Variants in TMEM163 observed in about 807,000 individuals in gnomAD.
TMEM163 encodes the protein transmembrane protein 163.
A neutral mutation model predicts 29.3 loss-of-function variants in TMEM163; 17 were observed. The ratio of observed to expected loss-of-function variants is 0.58; its 90% CI spans 0.40 to 0.87. The LOEUF (loss-of-function observed/expected upper bound fraction) is 0.87. TMEM163 is among the 40% of genes least tolerant of loss of function. TMEM163 has a pLI of 0.00. For synonymous variants in TMEM163, 157 were observed against 160.6 expected, an observed-to-expected ratio of 0.98 and a Z score of 0.17; for missense variants, 303 against 381.5, an observed-to-expected ratio of 0.79 and a Z score of 1.71.
chr2:134,463,951 G>T lies in TMEM163; in HGVS notation c.667+2163C>A, dbSNP rs183000895. 1.8e-4 allele frequency among the ~76,000 whole-genome samples: 27 copies of T among 152,324 alleles called. 1 individual carries two copies. The highest frequency in any genetic ancestry group is 6.5e-4 in the African/African-American group (27 of 41,580). On this transcript the variant is annotated intron_variant, in intron 6 of 7. Coordinates refer to ENST00000281924, the MANE Select transcript of TMEM163 (RefSeq NM_030923.5). The stretch of plus-strand genomic sequence containing the variant: ...CTTCATCTGGAGCTTGAGGAAGGGG[G>T]TCCTGCCTGCCTGTTGCACATGAGG...
chr2:134,505,165 C>T (rs1679791826), intron 4 of TMEM163, among the ~76,000 whole-genome samples: 1 of 151,734 alleles, frequency 6.6e-6, no homozygotes, highest in Admixed American at 6.6e-5. Context: ...TTCAATTAAC[C>T]TTTTCAGGTA....
intron 5 of TMEM163, among the ~76,000 whole-genome samples, chr2:134,474,045 A>T (rs1686863889): frequency 6.6e-6 from 1 of 152,234 alleles, no homozygotes; most frequent in African/African-American, 2.4e-5. Context: ...TGACACTAAA[A>T]GCAGAAGCAT....
intron 2 of TMEM163, among the ~76,000 whole-genome samples, chr2:134,651,860 T>C (rs1281803399): frequency 5.0e-5 from 6 of 121,054 alleles, no homozygotes; most frequent in Admixed American, 8.2e-5. Flanking sequence ...GTTGTAGATA[T>C]GCGGCATTAT....
In TMEM163 at chr2:134,590,576, T is replaced by C. The variant is rs72984288; in HGVS notation, c.323-38485A>G. On this transcript the variant is annotated intron_variant, in intron 2 of 7. Coordinates refer to ENST00000281924, the MANE Select transcript of TMEM163 (RefSeq NM_030923.5). Reference sequence around the variant, plus strand: ...CAAGAAAGAATTCAGGATGAGTCCATATAGTAAAGTGAAAGCAAGTTTATT... The same window carrying C: ...CAAGAAAGAATTCAGGATGAGTCCACATAGTAAAGTGAAAGCAAGTTTATT... 4.7e-3 allele frequency among the ~76,000 whole-genome samples: 711 copies of C among 152,264 alleles called. 6 individuals are homozygous for C. The highest frequency in any genetic ancestry group is 0.016 in the African/African-American group (656 of 41,548).
rs146786558 is a variant in TMEM163, at chr2:134,479,187, G to A, written c.556-12962C>T. Among the ~76,000 whole-genome samples, 225 of 152,286 alleles carry A rather than the reference G, an allele frequency of 1.5e-3. 1 individual carries two copies. Among genetic ancestry groups the A allele is most frequent in the African/African-American group, 5.1e-3 (213 of 41,556 alleles). On this transcript the variant is annotated intron_variant, in intron 5 of 7. Coordinates refer to ENST00000281924, the MANE Select transcript of TMEM163 (RefSeq NM_030923.5). ...GTAAGCTGCCCAGTCTATGGCATTC[G>A]GTGATAGCAGCCTGAATGAACTAAG...
chr2:134,670,362 C>T (rs1298977109), intron 2 of TMEM163, among the ~76,000 whole-genome samples: 3 of 152,186 alleles, frequency 2.0e-5, no homozygotes, highest in African/African-American at 7.2e-5. Flanking sequence ...GTTGGGCAGT[C>T]GCCATGGCTA....
intron 2 of TMEM163, among the ~76,000 whole-genome samples, chr2:134,695,326 T>A (rs1255611745): frequency 6.6e-6 from 1 of 151,788 alleles, no homozygotes; most frequent in African/African-American, 2.4e-5. Context: ...GATTCACCCA[T>A]CTCGGCCTCC....
intron 2 of TMEM163, among the ~76,000 whole-genome samples, chr2:134,591,877 G>A (rs1359718330): frequency 1.3e-5 from 2 of 150,340 alleles, no homozygotes; most frequent in Non-Finnish European, 2.9e-5. Flanking sequence ...TGCACATGAG[G>A]CAGTCATTCA....
At chr2:134,621,653 G>A (rs1682736997) in intron 2 of TMEM163, among the ~76,000 whole-genome samples, 1 of 151,874 alleles carries the variant, frequency 6.6e-6, no homozygotes, top group Non-Finnish European at 1.5e-5. Flanking sequence ...CACTTTGGGA[G>A]GCTGAGGCAG....
At chr2:134,517,165 C>A (rs1203259180) in intron 4 of TMEM163, among the ~76,000 whole-genome samples, 2 of 150,746 alleles carry the variant, frequency 1.3e-5, no homozygotes, top group Non-Finnish European at 2.9e-5. Flanking sequence ...GCTGATCAAA[C>A]TTCCACAGCT....
rs1315425906 is a variant in TMEM163, at chr2:134,655,202, G to A, written c.322+57998C>T. ...AGGTACACCAATCAGACGTAGATTTGGTCTTTTCACATAGTCCCATATTTC... is the reference window on the plus strand; with the variant it reads ...AGGTACACCAATCAGACGTAGATTTAGTCTTTTCACATAGTCCCATATTTC... On this transcript the variant is annotated intron_variant, in intron 2 of 7. Coordinates refer to ENST00000281924, the MANE Select transcript of TMEM163 (RefSeq NM_030923.5). Among the ~76,000 whole-genome samples the A allele has an allele frequency of 3.6e-5, 5 of 140,408 alleles. No homozygotes were observed. In the East Asian group the frequency reaches 9.9e-4, roughly 28 times the overall value. 92.1% of individuals were successfully genotyped at this position (140,408 alleles called of 152,430 possible). A position where few individuals can be genotyped will look rare whatever the true frequency, so the allele number is the denominator to read the frequency against.
intron 4 of TMEM163, among the ~76,000 whole-genome samples, chr2:134,537,513 C>T (rs1244342773): frequency 6.6e-6 from 1 of 152,160 alleles, no homozygotes; most frequent in African/African-American, 2.4e-5. Flanking sequence ...TCATCTAACC[C>T]TAGTTACTTC....
intron 4 of TMEM163, among the ~76,000 whole-genome samples, chr2:134,516,631 ATATATTCATACT>A (rs1334542618): frequency 1.0e-4 from 15 of 148,202 alleles, no homozygotes; most frequent in Admixed American, 7.5e-4. Flanking sequence ...ATATTTTTAT[ATATATTCATACT>A]TATATTCATA....
intron 5 of TMEM163, among the ~76,000 whole-genome samples, chr2:134,498,486 A>G (rs1303256077): frequency 6.6e-6 from 1 of 150,608 alleles, no homozygotes; most frequent in Non-Finnish European, 1.5e-5. Context: ...ACACCTGGCT[A>G]ATTTATTTAT....
chr2:134,479,183 A>G, intron 5 of TMEM163, among the ~76,000 whole-genome samples: 1 of 152,206 alleles, frequency 6.6e-6, no homozygotes, highest in Admixed American at 6.5e-5. Flanking sequence ...AGTCTATGGC[A>G]TTCGGTGATA....
At chr2:134,567,930 G>GGCTATATC (rs1432636414) in intron 2 of TMEM163, among the ~76,000 whole-genome samples, 2 of 152,138 alleles carry the variant, frequency 1.3e-5, no homozygotes, top group African/African-American at 2.4e-5. Context: ...AGGTCCACTT[G>GGCTATATC]GCTATATCGT....
rs1352191360 is a variant in TMEM163 at position 134,655,502 on chromosome 2, C to A, written c.322+57698G>T. Among the ~76,000 whole-genome samples the A allele has an allele frequency of 5.2e-5, 7 of 134,498 alleles. 1 individual carries two copies. The highest frequency in any genetic ancestry group is 1.1e-4 in the Non-Finnish European group (7 of 64,974). 88.2% of individuals were successfully genotyped at this position (134,498 alleles called of 152,430 possible). On this transcript the variant is annotated intron_variant, in intron 2 of 7. Coordinates refer to ENST00000281924, the MANE Select transcript of TMEM163 (RefSeq NM_030923.5). ...TTTGCCTTTGGTTTGAATGTCCTCC[C>A]GTAGCTCAGAGTAATTTGATCGTCT...
rs180917286 is a variant in TMEM163, at chr2:134,639,727, T to C, written c.322+73473A>G. Among the ~76,000 whole-genome samples the C allele has an allele frequency of 1.1e-3, 174 of 152,304 alleles. 1 individual carries two copies. The highest frequency in any genetic ancestry group is 3.9e-3 in the African/African-American group (161 of 41,566). ...ACAAGCAACAACACAAAAGATGACATACCACTCTTTCCGAGGCCCAGCGTA... is the reference window on the plus strand; with the variant it reads ...ACAAGCAACAACACAAAAGATGACACACCACTCTTTCCGAGGCCCAGCGTA... On this transcript the variant is annotated intron_variant, in intron 2 of 7. Transcript: ENST00000281924.
chr2:134,550,162 G>A (rs938356846), intron 4 of TMEM163, among the ~76,000 whole-genome samples: 1 of 152,158 alleles, frequency 6.6e-6, no homozygotes, highest in Non-Finnish European at 1.5e-5. Context: ...ACAGAGAGGG[G>A]CAGAAGGCAA....
Sources: allele counts gnomAD v4.1 joint callset (sites outside exome capture counted in the v4.1 genomes callset), GRCh38; gene constraint gnomAD v4.1.1; transcripts MANE v1.5; gene names NCBI Gene and HGNC (gene_info 2026-07-23, HGNC 2026-07-21).